The following ARMC9 variants were observed in gnomAD, a reference collection of about 807,000 sequenced individuals.
The protein encoded by ARMC9 is lisH domain-containing protein ARMC9.
ARMC9 carries 94 observed loss-of-function variants against 107.0 expected under a neutral mutation model. That is an observed-to-expected ratio of 0.88 (90% CI 0.74 to 1.04). ARMC9 has a LOEUF of 1.04. Among genes scored for constraint, ARMC9 ranks in the 50% least tolerant of loss-of-function variants. ARMC9 has a pLI of 0.00. For missense variants in ARMC9, 942 were observed against 1,030.1 expected, an observed-to-expected ratio of 0.91 and a Z score of 1.17; for synonymous variants, 380 against 396.9, an observed-to-expected ratio of 0.96 and a Z score of 0.51.
intron 9 of ARMC9, among the ~76,000 whole-genome samples, chr2:231,251,480 A>C (rs976837486): frequency 2.6e-5 from 4 of 152,086 alleles, no homozygotes; most frequent in African/African-American, 9.7e-5. Flanking sequence ...ACTCTTAACT[A>C]ATTTAATTCC....
At chr2:231,254,660 AAAAAAAATTGAAAAAAATTG>A (rs527443354) in intron 9 of ARMC9, among the ~76,000 whole-genome samples, 3 of 151,826 alleles carry the variant, frequency 2.0e-5, no homozygotes, top group Non-Finnish European at 4.4e-5. Context: ...CTATAAAAAA[AAAAAAAATTGAAAAAAATTG>A]AAAAAAATTG....
At chr2:231,267,403 G>A (rs979260176) in intron 12 of ARMC9, among the ~76,000 whole-genome samples, 2 of 152,034 alleles carry the variant, frequency 1.3e-5, no homozygotes, top group African/African-American at 4.8e-5. Context: ...GCTAATTGTT[G>A]TATTTTTATT....
chr2:231,275,684 T>A (rs1342741123), intron 14 of ARMC9, among the ~76,000 whole-genome samples: 1 of 152,226 alleles, frequency 6.6e-6, no homozygotes, highest in African/African-American at 2.4e-5. Context: ...CTGGGCACGG[T>A]GGCTCACGCC....
intron 1 of ARMC9, among the ~76,000 whole-genome samples, chr2:231,202,392 G>C (rs1039463961): frequency 1.3e-4 from 19 of 145,972 alleles, no homozygotes; most frequent in African/African-American, 3.3e-4. Context: ...GCGTGATCCC[G>C]GCTCACTACA....
intron 9 of ARMC9, among the ~76,000 whole-genome samples, chr2:231,248,675 C>T (rs190487678): frequency 8.6e-5 from 13 of 151,990 alleles, no homozygotes; most frequent in South Asian, 2.1e-4. Context: ...GGCGTGGTGG[C>T]GCACACCTAT....
In ARMC9 at chr2:231,369,320, TCTCA is replaced by T. The variant is rs149339071; in HGVS notation, c.2262-629_2262-626del. On this transcript the variant is annotated intron_variant, in intron 23 of 24. Coordinates refer to ENST00000611582, the MANE Select transcript of ARMC9 (RefSeq NM_001352754.2). ...TTTATTTTATTTTTTTGAGACAGAG[TCTCA>T]CTCTGTCACCCAGGCTGGAGTGCAG... Among the ~76,000 whole-genome samples the T allele has an allele frequency of 7.6e-3, 1,156 of 151,922 alleles. 13 individuals are homozygous for T. Among genetic ancestry groups the T allele is most frequent in the African/African-American group, 0.027 (1,104 of 41,414 alleles).
rs184431831 is a variant in ARMC9 at position 231,214,234 on chromosome 2, G to A, written c.178-597G>A. 2.2e-4 allele frequency among the ~76,000 whole-genome samples: 34 copies of A among 152,374 alleles called. No homozygotes were observed. In the East Asian group the frequency reaches 6.4e-3, roughly 28 times the overall value. ...TCTGTCGCTGCAGCTGCAGCTGGCA[G>A]GCGTGGACAGTCACCTTATGGTATA... On this transcript the variant is annotated intron_variant, in intron 3 of 24. Transcript: ENST00000611582.
chr2:231,336,910 G>T (rs1218731037), intron 20 of ARMC9, among the ~76,000 whole-genome samples: 1 of 152,106 alleles, frequency 6.6e-6, no homozygotes, highest in African/African-American at 2.4e-5. Flanking sequence ...CAGAGCTGAG[G>T]CCCTCCTAGG....
chr2:231,313,760 TTTTG>T (rs1196489639), intron 19 of ARMC9, among the ~76,000 whole-genome samples: 7 of 152,002 alleles, frequency 4.6e-5, no homozygotes, highest in South Asian at 2.1e-4. Context: ...ATTTTCTTTT[TTTTG>T]TTTGTTTGAG....
intron 19 of ARMC9, among the ~76,000 whole-genome samples, chr2:231,324,454 TAA>T (rs148497346): frequency 1.5e-4 from 19 of 129,352 alleles, no homozygotes; most frequent in Admixed American, 1.5e-4. Context: ...TTGTTTTAAT[TAA>T]AAAAAAAAAA....
Position 231,280,543 on chromosome 2 carries a change from A to G in ARMC9, c.1552-1516A>G, listed in dbSNP as rs556650446. Among the ~76,000 whole-genome samples the G allele has an allele frequency of 2.6e-5, 4 of 152,316 alleles. No individual in the cohort carries two copies. The South Asian group carries it at 8.3e-4, about 32-fold the overall frequency. ...TACATATATACATACATACATACATATATACTTTAGAGCCAAGTAATATGT... is the reference window on the plus strand; with the variant it reads ...TACATATATACATACATACATACATGTATACTTTAGAGCCAAGTAATATGT... On this transcript the variant is annotated intron_variant, in intron 16 of 24. Transcript: ENST00000611582.
chr2:231,237,584 A>G (rs2035836600), intron 8 of ARMC9, among the ~76,000 whole-genome samples: 1 of 151,756 alleles, frequency 6.6e-6, no homozygotes, highest in African/African-American at 2.4e-5. Flanking sequence ...CTCCCCCAGT[A>G]GTGTATGAGA....
At chr2:231,250,171 C>T (rs1329073752) in intron 9 of ARMC9, among the ~76,000 whole-genome samples, 2 of 152,160 alleles carry the variant, frequency 1.3e-5, no homozygotes, top group African/African-American at 2.4e-5. Context: ...TCAGAGCCTC[C>T]GTAGCAGGTG....
intron 17 of ARMC9, among the ~76,000 whole-genome samples, chr2:231,286,168 T>A (rs2040575436): frequency 6.6e-6 from 1 of 152,126 alleles, no homozygotes; most frequent in Non-Finnish European, 1.5e-5. Flanking sequence ...CAGGCTGGAG[T>A]GCAGTGGTGG....
intron 2 of ARMC9, 31 bp downstream of exon 2, chr2:231,206,320 G>A: frequency 6.3e-7 from 1 of 1,581,290 alleles, no homozygotes; most frequent in Non-Finnish European, 8.6e-7. Context: ...AGAGGTCACA[G>A]AGAAACAGAT....
chr2:231,231,360 A>G (rs2035194989), intron 7 of ARMC9, among the ~76,000 whole-genome samples: 1 of 151,476 alleles, frequency 6.6e-6, no homozygotes, highest in Non-Finnish European at 1.5e-5. Context: ...CTAATTTTGA[A>G]CTCTCTATAT....
intron 23 of ARMC9, among the ~76,000 whole-genome samples, chr2:231,369,540 C>T (rs929660184): frequency 2.8e-4 from 43 of 151,504 alleles, no homozygotes; most frequent in Admixed American, 2.0e-4. Context: ...GTGATCCGCC[C>T]GCCTCGGCCT....
At chr2:231,316,470 G>A (rs1009607032) in intron 19 of ARMC9, among the ~76,000 whole-genome samples, 1 of 151,800 alleles carries the variant, frequency 6.6e-6, no homozygotes, top group African/African-American at 2.4e-5. Flanking sequence ...AGACCAGCCT[G>A]GCCAACATGG....
intron 12 of ARMC9, chr2:231,270,728 G>A (rs938435735): frequency 1.6e-5 from 10 of 618,232 alleles, no homozygotes; most frequent in South Asian, 4.6e-5. Context: ...TGCTTCCCTC[G>A]CGCCAGTCAC....
Sources: allele counts gnomAD v4.1 joint callset (sites outside exome capture counted in the v4.1 genomes callset), GRCh38; gene constraint gnomAD v4.1.1; transcripts MANE v1.5; gene names NCBI Gene and HGNC (gene_info 2026-07-23, HGNC 2026-07-21).